Variants in HIP1 observed in about 807,000 individuals in gnomAD.
HIP1 encodes huntingtin-interacting protein 1.
In HIP1, 65 loss-of-function variants were observed where a neutral mutation model predicts 147.6. That is an observed-to-expected ratio of 0.44 (90% CI 0.36 to 0.54). HIP1 has a LOEUF of 0.54. HIP1 is among the 20% of genes least tolerant of loss of function. HIP1 has a pLI of 0.00. For synonymous variants in HIP1, 479 were observed against 504.0 expected, an observed-to-expected ratio of 0.95 and a Z score of 0.67; for missense variants, 1,061 against 1,299.6, an observed-to-expected ratio of 0.82 and a Z score of 2.82.
At position 75,573,847 on chromosome 7, in the gene HIP1, C is replaced by T. The variant is rs754731175; in HGVS notation, c.659G>A (p.Cys220Tyr). The change falls in exon 8 of 31, where the codon TGC becomes TAC. Residue 220 changes from cysteine (C) to tyrosine (Y), a missense_variant. Physicochemically the swap from Cys to Tyr is radical, Grantham distance 194. This residue lies in a region of HIP1 where 225 missense variants were observed against 292.9 expected (regional missense o/e 0.77). Transcript: ENST00000336926. ...RSVSVTAAGQ[C>Y]RLAPLIQVIL... ...GACCTGGATCAGCGGGGCGAGGCGG[C>T]ACTGCCCTGCTGCCGTCACGGACAC... The T allele has an allele frequency of 1.2e-6, 2 of 1,614,120 alleles. No homozygotes were observed. Among genetic ancestry groups the T allele is most frequent in the Admixed American group, 3.3e-5 (2 of 60,010 alleles).
intron 1 of HIP1, among the ~76,000 whole-genome samples, chr7:75,655,139 C>T (rs1799108475): frequency 6.6e-6 from 1 of 152,220 alleles, no homozygotes; most frequent in Admixed American, 6.5e-5. Flanking sequence ...AAGGTGGGGA[C>T]AGCCCAGGTG....
chr7:75,561,933 C>A, intron 12 of HIP1, 140 bp downstream of exon 12: 1 of 618,290 alleles, frequency 1.6e-6, no homozygotes, highest in Non-Finnish European at 2.9e-6. Context: ...AGGCATAAGC[C>A]ATTGCCCCCA....
At chr7:75,676,504 C>T (rs1298369542) in intron 1 of HIP1, among the ~76,000 whole-genome samples, 4 of 151,532 alleles carry the variant, frequency 2.6e-5, no homozygotes, top group East Asian at 1.9e-4. Flanking sequence ...TGGCCTGGCG[C>T]GGTGGCTCAT....
At chr7:75,609,903 C>CTT (rs56106169) in intron 1 of HIP1, among the ~76,000 whole-genome samples, 8,957 of 130,878 alleles carry the variant, frequency 0.068, 571 homozygotes, top group East Asian at 0.28. Context: ...CTCTTCTTTT[C>CTT]TTTTTTTTTT....
intron 1 of HIP1, among the ~76,000 whole-genome samples, chr7:75,603,282 A>C (rs1797077546): frequency 6.6e-6 from 1 of 150,816 alleles, no homozygotes. Context: ...CAGGAGGTTG[A>C]GAGTGCAGTA....
intron 7 of HIP1, among the ~76,000 whole-genome samples, chr7:75,575,286 C>A (rs1795806842): frequency 6.6e-6 from 1 of 152,076 alleles, no homozygotes; most frequent in African/African-American, 2.4e-5. Context: ...CATGGCAAAA[C>A]CCTGTCTCTA....
chr7:75,616,340 G>A (rs587682008), intron 1 of HIP1, among the ~76,000 whole-genome samples: 43 of 152,100 alleles, frequency 2.8e-4, no homozygotes, highest in Admixed American at 9.8e-4. Flanking sequence ...TACGATCATA[G>A]CTCACTACAG....
Position 75,553,578 on chromosome 7 carries a change from C to T in HIP1, c.2170G>A (p.Ala724Thr). 1 of 1,613,920 alleles carries T rather than the reference C, an allele frequency of 6.2e-7. No homozygotes were observed. Among genetic ancestry groups the T allele is most frequent in the Non-Finnish European group, 8.5e-7 (1 of 1,179,948 alleles). ...PPEPADSLTE[A>T]CKQYGRETLA... ...GTTTCCCTGCCATACTGCTTACAGG[C>T]CTCGGTCAGTGCTGGAGATACAAGG... Residue 724 changes from alanine to threonine, a missense_variant, in exon 22 of 31, where the codon GCC becomes ACC. Physicochemically the swap from Ala to Thr is moderately conservative, Grantham distance 58 (BLOSUM62 0). This residue lies in a region of HIP1 where 810 missense variants were observed against 946.8 expected (regional missense o/e 0.86). Coordinates refer to ENST00000336926, the MANE Select transcript of HIP1 (RefSeq NM_005338.7).
chr7:75,660,048 C>T (rs782378521), intron 1 of HIP1, among the ~76,000 whole-genome samples: 23 of 151,270 alleles, frequency 1.5e-4, no homozygotes, highest in Non-Finnish European at 2.7e-4. Context: ...ATCGCGTGAA[C>T]CGGAGAAGCG....
intron 1 of HIP1, among the ~76,000 whole-genome samples, chr7:75,663,813 C>A (rs1250022585): frequency 6.6e-6 from 1 of 150,908 alleles, no homozygotes; most frequent in Non-Finnish European, 1.5e-5. Context: ...TTCTAGTTTT[C>A]TGACTCAGCT....
intron 1 of HIP1, among the ~76,000 whole-genome samples, chr7:75,713,088 G>C (rs926591194): frequency 6.6e-6 from 1 of 152,218 alleles, no homozygotes; most frequent in Non-Finnish European, 1.5e-5. Flanking sequence ...TCATAAAGCA[G>C]AGAAGACACA....
chr7:75,589,708 A>G (rs1796419792), intron 4 of HIP1, among the ~76,000 whole-genome samples: 26 of 106,204 alleles, frequency 2.4e-4, no homozygotes, highest in Non-Finnish European at 3.3e-4. Context: ...AAAAAAAAAA[A>G]AAAAAAAGAC....
At chr7:75,539,215 C>A (rs1794205521) in intron 30 of HIP1, 108 bp downstream of exon 30, 3 of 724,858 alleles carry the variant, frequency 4.1e-6, no homozygotes, top group Admixed American at 4.5e-5. Context: ...AAGGAAGAAG[C>A]CACCGATCTG....
At chr7:75,630,085 G>A (rs1554508667) in intron 1 of HIP1, among the ~76,000 whole-genome samples, 1 of 152,014 alleles carries the variant, frequency 6.6e-6, no homozygotes, top group African/African-American at 2.4e-5. Context: ...CTGAGCCTGG[G>A]AGGTTGAGGC....
At chr7:75,730,008 A>G (rs1307859739) in intron 1 of HIP1, among the ~76,000 whole-genome samples, 4 of 152,128 alleles carry the variant, frequency 2.6e-5, no homozygotes, top group Non-Finnish European at 5.9e-5. Context: ...AGGGCTCAGA[A>G]CTGACACCAG....
chr7:75,682,835 T>C (rs1292747726), intron 1 of HIP1, among the ~76,000 whole-genome samples: 1 of 152,152 alleles, frequency 6.6e-6, no homozygotes, highest in Non-Finnish European at 1.5e-5. Context: ...TGTCCCCACA[T>C]TGCTGCGCTG....
chr7:75,581,536 TG>T lies in HIP1; in HGVS notation c.543-239del, dbSNP rs1487789055. Among the ~76,000 whole-genome samples the T allele has an allele frequency of 2.0e-5, 3 of 152,124 alleles. No individual in the cohort carries two copies. In the East Asian group the frequency reaches 5.8e-4, roughly 29 times the overall value. ...GCTCACGCCTGTAATCCCAGCACTT[TG>T]GGAGGCCGAGGTGGGCGGATCACCT... On this transcript the variant is annotated intron_variant, in intron 6 of 30. Coordinates refer to ENST00000336926, the MANE Select transcript of HIP1 (RefSeq NM_005338.7).
At chr7:75,625,166 T>G (rs1554507808) in intron 1 of HIP1, 1 of 152,144 alleles carries the variant, frequency 6.6e-6, no homozygotes, top group African/African-American at 2.4e-5. Context: ...CCACCCACCT[T>G]GGCCTCCCAA....
At chr7:75,702,979 A>G (rs1178226099) in intron 1 of HIP1, among the ~76,000 whole-genome samples, 1 of 152,194 alleles carries the variant, frequency 6.6e-6, no homozygotes, top group African/African-American at 2.4e-5. Flanking sequence ...ATTTCAACAT[A>G]AGGTTTGAAG....
Sources: gnomAD v4.1 joint callset for allele counts (sites outside exome capture counted in the v4.1 genomes callset) on GRCh38, gnomAD v4.1.1 for gene constraint, gnomAD v4.1.1 regional missense constraint, MANE v1.5 for transcripts, NCBI Gene and HGNC (gene_info 2026-07-23, HGNC 2026-07-21) for gene names.